The following HIF1AN variants were observed in gnomAD, a reference collection of about 807,000 sequenced individuals.
HIF1AN encodes the protein hypoxia-inducible factor 1-alpha inhibitor.
In HIF1AN, 21 loss-of-function variants were observed where a neutral mutation model predicts 47.7. The ratio of observed to expected loss-of-function variants is 0.44; its 90% CI spans 0.31 to 0.63. The LOEUF (loss-of-function observed/expected upper bound fraction) is 0.63. Ranked by LOEUF, HIF1AN falls within the 30% of genes least tolerant of loss-of-function variation. The pLI is 0.07. For synonymous variants in HIF1AN, 152 were observed against 155.9 expected, an observed-to-expected ratio of 0.98 and a Z score of 0.18; for missense variants, 320 against 432.7, an observed-to-expected ratio of 0.74 and a Z score of 2.31.
chr10:100,541,374 G>C (rs1843026314), intron 3 of HIF1AN, among the ~76,000 whole-genome samples: 2 of 152,192 alleles, frequency 1.3e-5, no homozygotes, highest in African/African-American at 4.8e-5. Flanking sequence ...CTGGGCAACA[G>C]AGTGAGATCC....
At chr10:100,545,360 C>A in intron 4 of HIF1AN, 1 of 410,416 alleles carries the variant, frequency 2.4e-6, no homozygotes, top group Non-Finnish European at 4.3e-6. Context: ...ACTCTGGTTA[C>A]TCTGTTTGAT....
intron 2 of HIF1AN, among the ~76,000 whole-genome samples, 169 bp downstream of exon 2, chr10:100,536,830 C>T (rs995997051): frequency 6.6e-6 from 1 of 152,010 alleles, no homozygotes; most frequent in Non-Finnish European, 1.5e-5. Flanking sequence ...GGTTTGAGTT[C>T]TTAGTGGTTC....
chr10:100,539,995 T>C (rs1186677003), intron 2 of HIF1AN, among the ~76,000 whole-genome samples: 1 of 151,974 alleles, frequency 6.6e-6, no homozygotes, highest in Non-Finnish European at 1.5e-5. Flanking sequence ...GTGGATTCTT[T>C]TATTTATTTA....
At position 100,551,229 on chromosome 10, in the gene HIF1AN, G is replaced by GT. The variant is rs1290197974; in HGVS notation, c.*3097dup. The GT allele has an allele frequency of 6.6e-6, 1 of 152,186 alleles. No individual in the cohort carries two copies. The highest frequency in any genetic ancestry group is 1.5e-5 in the Non-Finnish European group (1 of 68,028). The allele number at this position is 152,186 out of a possible 1,614,324, so 9.4% of individuals were successfully genotyped here. On this transcript the variant is annotated 3_prime_UTR_variant, in exon 8 of 8. Coordinates refer to ENST00000299163, the MANE Select transcript of HIF1AN (RefSeq NM_017902.3). ...ACAAATCAGAGCTCTAAATTACAAG[G>GT]TTTTTACCAACGTGAACAGTTGGGG...
Position 100,536,086 on chromosome 10 carries a change from C to T in HIF1AN, c.128C>T (p.Pro43Leu). Residue 43 changes from proline to leucine, a missense_variant, in exon 1 of 8, where the codon CCG (proline) becomes CTG (leucine). By Grantham distance (98) the Pro-to-Leu change is moderately conservative. This residue lies in a region of HIF1AN where 159 missense variants were observed against 159.9 expected (regional missense o/e 0.99). Transcript: ENST00000299163. ...TATAGCTTCCCGACTAGGCCCATTC[C>T]GCGTCTGAGTCAGAGCGACCCCCGG... The part of the protein sequence containing the change: ...RSYSFPTRPI[P>L]RLSQSDPRAE... 2 of 1,611,050 alleles carry T rather than the reference C, an allele frequency of 1.2e-6. No homozygotes were observed. The highest frequency in any genetic ancestry group is 2.2e-5 in the South Asian group (2 of 90,842).
chr10:100,540,855 A>G (rs1026508131), intron 3 of HIF1AN, 73 bp downstream of exon 3: 1 of 1,329,956 alleles, frequency 7.5e-7, no homozygotes, highest in Non-Finnish European at 1.0e-6. Context: ...TTCACCGCTT[A>G]TTAGCTCCAT....
At position 100,547,951 on chromosome 10, in the gene HIF1AN, T is replaced by C. The variant is rs1052959096; in HGVS notation, c.1006-142T>C. The C allele has an allele frequency of 1.1e-5, 8 of 737,800 alleles. No individual in the cohort carries two copies. The Admixed American group carries it at 1.7e-4, about 16-fold the overall frequency. 45.7% of individuals were successfully genotyped at this position (737,800 alleles called of 1,614,324 possible). On this transcript the variant is annotated intron_variant, in intron 7 of 7. Coordinates refer to ENST00000299163, the MANE Select transcript of HIF1AN (RefSeq NM_017902.3). ...AATACTGGGTTGACCTTCAGGAAGA[T>C]AGGTGATTAGAGGATTCACAAGATT...
chr10:100,542,638 A>G (rs916043650), intron 3 of HIF1AN, among the ~76,000 whole-genome samples: 6 of 152,148 alleles, frequency 3.9e-5, no homozygotes, highest in African/African-American at 1.4e-4. Flanking sequence ...TACAGGCGTG[A>G]GCCACCGCGC....
In HIF1AN at chr10:100,547,241, C is replaced by T; in HGVS notation, c.996C>T (p.Asn332=). ...AGATGCTTGGAGAGGCCTTGGGGAA[C>T]CCACAAGAGGTAGGTGACTGCCCCA... ...IEKMLGEALG[N]PQEVGPLLNT... Residue 332 remains asparagine (N), a synonymous_variant, in exon 7 of 8, where the codon AAC becomes AAT. Coordinates refer to ENST00000299163, the MANE Select transcript of HIF1AN (RefSeq NM_017902.3). 6.2e-7 allele frequency: 1 copy of T among 1,611,284 alleles called. No homozygotes were observed.
At chr10:100,544,929 G>GA in intron 3 of HIF1AN, 22 bp from the exon 4 acceptor site, 1 of 1,613,422 alleles carries the variant, frequency 6.2e-7, no homozygotes. Context: ...CTCTGCATAA[G>GA]AAAATGCCTT....
rs555864304 is a variant in HIF1AN at position 100,548,425 on chromosome 10, C to T, written c.*288C>T. The T allele has an allele frequency of 2.1e-4, 85 of 408,184 alleles. No homozygotes were observed. Among genetic ancestry groups the T allele is most frequent in the African/African-American group, 1.6e-3 (77 of 48,734 alleles). The allele number at this position is 408,184 out of a possible 1,614,324, so 25.3% of individuals were successfully genotyped here. On this transcript the variant is annotated 3_prime_UTR_variant, in exon 8 of 8. Coordinates refer to ENST00000299163, the MANE Select transcript of HIF1AN (RefSeq NM_017902.3). ...TGGAGTCCCAGCTTTTGGTTGTCAT[C>T]ATGTCTGTGTGTATGTTAGTCTGTC...
In HIF1AN at chr10:100,535,987, C is replaced by T. The variant is rs769768445; in HGVS notation, c.29C>T (p.Ala10Val). The T allele has an allele frequency of 3.9e-6, 6 of 1,555,042 alleles. No individual in the cohort carries two copies. The South Asian group carries it at 4.7e-5, about 12-fold the overall frequency. Residue 10 changes from alanine (A) to valine (V), a missense_variant, in exon 1 of 8, where the codon GCC becomes GTC. This residue lies in a region of HIF1AN where 159 missense variants were observed against 159.9 expected (regional missense o/e 0.99). Coordinates refer to ENST00000299163, the MANE Select transcript of HIF1AN (RefSeq NM_017902.3). Reference sequence around the variant, plus strand: ...GCGGCGACAGCGGCGGAGGCTGTGGCCTCTGGCTCTGGAGAGCCCCGGGAG... The same window carrying T: ...GCGGCGACAGCGGCGGAGGCTGTGGTCTCTGGCTCTGGAGAGCCCCGGGAG... Reference protein sequence around the residue: MAATAAEAVASGSGEPREEA... With the variant: MAATAAEAVVSGSGEPREEA...
chr10:100,536,770 C>T, intron 2 of HIF1AN, 109 bp downstream of exon 2: 1 of 1,216,494 alleles, frequency 8.2e-7, no homozygotes, highest in Non-Finnish European at 1.2e-6. Context: ...TGGCCTCTCC[C>T]ATCTCTGGAT....
rs1843242358 is a variant in HIF1AN, at chr10:100,559,742, T to C, written c.*11605T>C. The C allele has an allele frequency of 6.6e-6, 1 of 152,166 alleles. No individual in the cohort carries two copies. The allele number at this position is 152,166 out of a possible 1,614,324, so 9.4% of individuals were successfully genotyped here. A position where few individuals can be genotyped will look rare whatever the true frequency, so the allele number is the denominator to read the frequency against. ...TGAATATATTTTTTAACCAAAGTAA[T>C]TTATGAATATAAATTGTTTCTATAT... is the stretch of plus-strand genomic sequence containing the variant. On this transcript the variant is annotated 3_prime_UTR_variant, in exon 8 of 8. Transcript: ENST00000299163.
Position 100,545,175 on chromosome 10 carries a change from C to T in HIF1AN, c.723+79C>T, listed in dbSNP as rs954535431. ...AGGCTGGAATGTCTTTCCCCTTCCC[C>T]GTAGTGATATGCCAGGTTCGGATTA... On this transcript the variant is annotated intron_variant, in intron 4 of 7. Coordinates refer to ENST00000299163, the MANE Select transcript of HIF1AN (RefSeq NM_017902.3). 6.6e-5 allele frequency: 97 copies of T among 1,467,376 alleles called. 2 individuals are homozygous for T. The East Asian group carries it at 1.0e-3, about 15-fold the overall frequency. 90.9% of individuals were successfully genotyped at this position (1,467,376 alleles called of 1,614,324 possible). A position where few individuals can be genotyped will look rare whatever the true frequency, so the allele number is the denominator to read the frequency against.
At position 100,540,832 on chromosome 10, in the gene HIF1AN, T is replaced by G. The variant is rs75318895; in HGVS notation, c.577+50T>G. On this transcript the variant is annotated intron_variant, in intron 3 of 7. Transcript: ENST00000299163. Reference sequence around the variant, plus strand: ...TGGCTTGGAGTCATATGAACCTGATTTCTAATCCTGTCTTCACCGCTTATT... The same window carrying G: ...TGGCTTGGAGTCATATGAACCTGATGTCTAATCCTGTCTTCACCGCTTATT... The G allele has an allele frequency of 6.4e-4, 973 of 1,511,858 alleles. 22 individuals carry two copies. The East Asian group carries it at 0.022, about 34-fold the overall frequency. 93.7% of individuals were successfully genotyped at this position (1,511,858 alleles called of 1,614,324 possible). A position where few individuals can be genotyped will look rare whatever the true frequency, so the allele number is the denominator to read the frequency against.
chr10:100,546,443 A>ACCCCCCCCCCCCTTTCCCCCCCC, intron 5 of HIF1AN, 75 bp from the exon 6 acceptor site: 1 of 454,844 alleles, frequency 2.2e-6, no homozygotes. Flanking sequence ...CAACCCTGCC[A>ACCCCCCCCCCCCTTTCCCCCCCC]CCCCCCCGCA....
chr10:100,541,473 T>A (rs1337276005), intron 3 of HIF1AN, among the ~76,000 whole-genome samples: 1 of 152,090 alleles, frequency 6.6e-6, no homozygotes, highest in African/African-American at 2.4e-5. Context: ...AATGAAATAA[T>A]GTATGTCGAG....
At chr10:100,546,120 G>T in intron 5 of HIF1AN, 71 bp downstream of exon 5, 5 of 1,080,136 alleles carry the variant, frequency 4.6e-6, no homozygotes, top group Non-Finnish European at 7.1e-6. Context: ...CCTTGTCTGT[G>T]TCGCTTCTGA....
Sources: allele counts gnomAD v4.1 joint callset (sites outside exome capture counted in the v4.1 genomes callset), GRCh38; gene constraint gnomAD v4.1.1; regional missense constraint gnomAD v4.1.1; transcripts MANE v1.5; gene names NCBI Gene and HGNC (gene_info 2026-07-23, HGNC 2026-07-21).